Variants in IL1RN observed in about 807,000 individuals in gnomAD.
The protein encoded by IL1RN is interleukin-1 receptor antagonist protein.
A neutral mutation model predicts 13.7 loss-of-function variants in IL1RN; 10 were observed. The observed-to-expected ratio is 0.73, with a 90% CI of 0.45 to 1.24. The LOEUF (loss-of-function observed/expected upper bound fraction) is 1.24, where lower values mean the gene tolerates loss of function less well. IL1RN is among the 50% of genes most tolerant of loss of function. The pLI, the probability that IL1RN is intolerant of heterozygous loss-of-function variation, is 0.00. For missense variants in IL1RN, 213 were observed against 222.1 expected (o/e 0.96, Z 0.26); for synonymous variants, 102 against 82.7 (o/e 1.23, Z -1.27).
intron 3 of IL1RN, 60 bp from the exon 4 acceptor site, chr2:113,132,596 G>A (rs1225629949): frequency 1.4e-6 from 2 of 1,464,934 alleles, no homozygotes; most frequent in East Asian, 2.3e-5. Flanking sequence ...GGAGTGGAGA[G>A]GGAGGCAGCA....
intron 2 of IL1RN, chr2:113,129,991 T>C (rs1198215999): frequency 5.5e-6 from 2 of 361,956 alleles, no homozygotes; most frequent in East Asian, 6.1e-5. Context: ...TCCATGTTCC[T>C]ATGTTGTTCA....
chr2:113,131,213 C>G, intron 3 of IL1RN, 56 bp downstream of exon 3: 1 of 1,121,804 alleles, frequency 8.9e-7, no homozygotes, highest in Non-Finnish European at 1.4e-6. Flanking sequence ...TTGAAACAAC[C>G]AAAATTTTTT....
At chr2:113,102,739 T>A (rs757149089), upstream of IL1RN, among the ~76,000 whole-genome samples, 2 of 151,744 alleles carry the variant, frequency 1.3e-5, no homozygotes, top group Non-Finnish European at 2.9e-5. Context: ...CACAAGGTGC[T>A]CAGTGGGGGA....
chr2:113,120,717 C>T (rs1174712481), intron 2 of IL1RN, among the ~76,000 whole-genome samples: 2 of 152,076 alleles, frequency 1.3e-5, no homozygotes, highest in African/African-American at 2.4e-5. Flanking sequence ...AAAAATCCTC[C>T]CCAAATTTTC....
At chr2:113,124,441 C>G (rs1686886939), upstream of IL1RN, among the ~76,000 whole-genome samples, 1 of 49,390 alleles carries the variant, frequency 2.0e-5, no homozygotes, top group South Asian at 5.7e-4. Flanking sequence ...GATTGACAGC[C>G]CCCCCCCTTT....
At chr2:113,120,908 G>A (rs1030170617) in intron 2 of IL1RN, among the ~76,000 whole-genome samples, 3 of 152,154 alleles carry the variant, frequency 2.0e-5, no homozygotes, top group Non-Finnish European at 4.4e-5. Context: ...TTTCAATCCT[G>A]GCCTGGCCAG....
upstream of IL1RN, among the ~76,000 whole-genome samples, chr2:113,115,237 C>T (rs1686570179): frequency 6.6e-6 from 1 of 152,150 alleles, no homozygotes; most frequent in South Asian, 2.1e-4. Flanking sequence ...CACCTCTCCC[C>T]TGGCTGGAAT....
chr2:113,114,358 C>G (rs1558860947), upstream of IL1RN, among the ~76,000 whole-genome samples: 2 of 151,858 alleles, frequency 1.3e-5, no homozygotes, highest in African/African-American at 2.4e-5. Context: ...CCTGTGAACT[C>G]TAGTCCCAGT....
At chr2:113,128,075 C>T (rs1386188374) in intron 1 of IL1RN, among the ~76,000 whole-genome samples, 1 of 152,196 alleles carries the variant, frequency 6.6e-6, no homozygotes, top group African/African-American at 2.4e-5. Flanking sequence ...ACCAGGGGCA[C>T]AGCCCGAAGG....
upstream of IL1RN, among the ~76,000 whole-genome samples, chr2:113,113,806 A>G (rs1380533020): frequency 6.6e-6 from 1 of 152,252 alleles, no homozygotes; most frequent in East Asian, 1.9e-4. Flanking sequence ...GCTCAGCAAC[A>G]TGAGGCTGGG....
chr2:113,129,992 A>G, intron 2 of IL1RN: 1 of 360,284 alleles, frequency 2.8e-6, no homozygotes, highest in Non-Finnish European at 5.4e-6. Flanking sequence ...CCATGTTCCT[A>G]TGTTGTTCAA....
chr2:113,132,856 C>T lies in IL1RN; in HGVS notation c.519C>T (p.Phe173=), dbSNP rs767298239. ...GCGTCATGGTCACCAAATTCTACTT[C>T]CAGGAGGACGAGTAGTACTGCCCAG... ...DEGVMVTKFY[F]QEDE is the part of the protein sequence containing the mutation. Residue 173 remains phenylalanine (F), a synonymous_variant, in exon 4 of 4, where the codon TTC becomes TTT. Coordinates refer to ENST00000409930, the MANE Select transcript of IL1RN (RefSeq NM_173842.3). 2.4e-5 allele frequency: 38 copies of T among 1,614,054 alleles called. No individual in the cohort carries two copies. The highest frequency in any genetic ancestry group is 3.2e-5 in the Non-Finnish European group (38 of 1,180,004).
chr2:113,112,305 G>A (rs1449847301), intron 1 of IL1RN, among the ~76,000 whole-genome samples: 2 of 152,154 alleles, frequency 1.3e-5, no homozygotes, highest in African/African-American at 2.4e-5. Context: ...GTTTTTCTGG[G>A]TATAGGACCC....
intron 3 of IL1RN, 65 bp downstream of exon 3, chr2:113,131,222 T>G: frequency 1.1e-6 from 1 of 941,694 alleles, no homozygotes; most frequent in Non-Finnish European, 1.8e-6. Context: ...CCAAAATTTT[T>G]TCTTATGATT....
At chr2:113,110,184 C>T (rs556531325), upstream of IL1RN, among the ~76,000 whole-genome samples, 35 of 152,322 alleles carry the variant, frequency 2.3e-4, no homozygotes, top group Admixed American at 1.0e-3. Context: ...CACATGCACA[C>T]GTACACAGGC....
At chr2:113,111,992 G>A (rs58153729) in intron 1 of IL1RN, among the ~76,000 whole-genome samples, 21,039 of 152,188 alleles carry the variant, frequency 0.14, 1,595 homozygotes, top group East Asian at 0.27. Context: ...GGCAACCCCA[G>A]ACTTTGGGTT....
upstream of IL1RN, among the ~76,000 whole-genome samples, chr2:113,109,736 T>C (rs764983891): frequency 7.3e-4 from 109 of 149,910 alleles, no homozygotes; most frequent in Non-Finnish European, 1.4e-3. Context: ...TCAACAAATG[T>C]ATGACACTTC....
intron 3 of IL1RN, among the ~76,000 whole-genome samples, chr2:113,132,136 G>C (rs1441076309): frequency 6.6e-6 from 1 of 152,218 alleles, no homozygotes; most frequent in Non-Finnish European, 1.5e-5. Context: ...CAGCCTCTTT[G>C]TGTCTTTGCT....
upstream of IL1RN, among the ~76,000 whole-genome samples, chr2:113,124,949 G>A (rs1367607009): frequency 6.6e-6 from 1 of 152,168 alleles, no homozygotes; most frequent in Non-Finnish European, 1.5e-5. Flanking sequence ...AATACTCTCT[G>A]AATTCAGACT....
Sources: allele counts gnomAD v4.1 joint callset (sites outside exome capture counted in the v4.1 genomes callset), GRCh38; gene constraint gnomAD v4.1.1; transcripts MANE v1.5; gene names NCBI Gene and HGNC (gene_info 2026-07-23, HGNC 2026-07-21).